The following NR3C1 variants were observed in gnomAD, a reference collection of about 807,000 sequenced individuals.
NR3C1 encodes the protein nuclear receptor subfamily 3 group C member 1, also known as glucocorticoid receptor.
A neutral mutation model predicts 74.0 loss-of-function variants in NR3C1; 14 were observed. The observed-to-expected ratio is 0.19, with a 90% CI of 0.12 to 0.30. The LOEUF (loss-of-function observed/expected upper bound fraction) is 0.30. NR3C1 is among the 10% of genes least tolerant of loss of function. The probability of loss-of-function intolerance (pLI) is 1.00; values close to 1 mark genes in which losing one functional copy is unlikely to be tolerated. For synonymous variants in NR3C1, 308 were observed against 332.5 expected, an observed-to-expected ratio of 0.93 and a Z score of 0.80; for missense variants, 695 against 909.8, an observed-to-expected ratio of 0.76 and a Z score of 3.04.
chr5:143,349,826 T>C (rs945995107), intron 2 of NR3C1, among the ~76,000 whole-genome samples: 3 of 152,038 alleles, frequency 2.0e-5, no homozygotes, highest in African/African-American at 7.2e-5. Context: ...TACACAGTAG[T>C]TGTAATACAA....
intron 2 of NR3C1, chr5:143,332,733 T>G (rs1826248630): frequency 6.3e-7 from 1 of 1,587,824 alleles, no homozygotes; most frequent in Non-Finnish European, 8.6e-7. Flanking sequence ...ACCTCATGCC[T>G]TGGAATTGCC....
chr5:143,358,001 G>A (rs1368164559), intron 2 of NR3C1, among the ~76,000 whole-genome samples: 1 of 152,170 alleles, frequency 6.6e-6, no homozygotes, highest in African/African-American at 2.4e-5. Flanking sequence ...CTAAATACTT[G>A]ATCAAGCCAA....
At chr5:143,345,450 C>G (rs1829096364) in intron 2 of NR3C1, among the ~76,000 whole-genome samples, 2 of 152,272 alleles carry the variant, frequency 1.3e-5, no homozygotes, top group South Asian at 4.1e-4. Context: ...CCTCCAGTGA[C>G]CCGCCTGCCT....
Position 143,279,520 on chromosome 5 carries a change from G to T in NR3C1, c.*2369C>A. On this transcript the variant is annotated 3_prime_UTR_variant, in exon 9 of 9. Coordinates refer to ENST00000394464, the MANE Select transcript of NR3C1 (RefSeq NM_000176.3). ...TTAGGCACCAAAAATTTATCCAGCC[G>T]GGTTACACACCATCTTAAAATATTA... 1.9e-6 allele frequency: 2 copies of T among 1,064,264 alleles called. No homozygotes were observed. Among genetic ancestry groups the T allele is most frequent in the Non-Finnish European group, 2.6e-6 (2 of 783,354 alleles). The allele number at this position is 1,064,264 out of a possible 1,614,324, so 65.9% of individuals were successfully genotyped here.
chr5:143,400,861 C>CA lies in NR3C1; in HGVS notation c.-13-10dup. 2 of 1,594,768 alleles carry CA rather than the reference C, an allele frequency of 1.3e-6. No homozygotes were observed. The highest frequency in any genetic ancestry group is 1.1e-5 in the South Asian group (1 of 90,596). ...CCATCAGTGAATATCAACTACAAAA[C>CA]AAAAAACAAAAACGGGGGGAAAACA... On this transcript the variant is annotated splice_polypyrimidine_tract_variant and intron_variant, in intron 1 of 8. Coordinates refer to ENST00000394464, the MANE Select transcript of NR3C1 (RefSeq NM_000176.3).
At position 143,286,080 on chromosome 5, in the gene NR3C1, ATAACT is replaced by A. The variant is rs1399218555; in HGVS notation, c.2024-3360_2024-3356del. ...GAAGGATATTATGGGAATATTATGA[ATAACT>A]TAACTTTATACCAATAAATTCAACA... is the stretch of plus-strand genomic sequence containing the variant. On this transcript the variant is annotated intron_variant, in intron 7 of 8. Coordinates refer to ENST00000394464, the MANE Select transcript of NR3C1 (RefSeq NM_000176.3). Among the ~76,000 whole-genome samples, 14 of 152,252 alleles carry A rather than the reference ATAACT, an allele frequency of 9.2e-5. No individual in the cohort carries two copies. In the East Asian group the frequency reaches 2.5e-3, roughly 27 times the overall value.
At chr5:143,411,318 T>C (rs1337752953) in intron 1 of NR3C1, among the ~76,000 whole-genome samples, 1 of 152,226 alleles carries the variant, frequency 6.6e-6, no homozygotes, top group East Asian at 1.9e-4. Flanking sequence ...AAAAGTGCCT[T>C]AGTTTGTGAA....
intron 2 of NR3C1, among the ~76,000 whole-genome samples, chr5:143,340,731 T>C (rs1828046999): frequency 6.6e-6 from 1 of 152,112 alleles, no homozygotes; most frequent in South Asian, 2.1e-4. Flanking sequence ...TCCGCCCGGC[T>C]TGGCCTCCCA....
At chr5:143,371,029 T>C (rs1023901787) in intron 2 of NR3C1, among the ~76,000 whole-genome samples, 6 of 152,218 alleles carry the variant, frequency 3.9e-5, no homozygotes, top group Non-Finnish European at 7.3e-5. Context: ...AATAAAAGTA[T>C]AGAAATATAC....
chr5:143,435,335 T>G, exon 1 of NR3C1: 2 of 985,508 alleles, frequency 2.0e-6, no homozygotes, highest in Non-Finnish European at 2.4e-6. Context: ...TCAGAAGATC[T>G]AAGTTTTCTC....
intron 2 of NR3C1, among the ~76,000 whole-genome samples, chr5:143,370,171 G>A (rs1391244988): frequency 6.6e-6 from 1 of 152,012 alleles, no homozygotes; most frequent in Non-Finnish European, 1.5e-5. Flanking sequence ...TGCAAAGATG[G>A]TTTCCTGCTA....
At position 143,314,226 on chromosome 5, in the gene NR3C1, G is replaced by A. The variant is rs960242083; in HGVS notation, c.1185-58C>T. On this transcript the variant is annotated intron_variant, in intron 2 of 8. Coordinates refer to ENST00000394464, the MANE Select transcript of NR3C1 (RefSeq NM_000176.3). ...ACTGTCAAAGGAATATCAAAATACA[G>A]TTCTCTTAGCTTCTCACTTCATAGT... The A allele has an allele frequency of 1.9e-6, 3 of 1,565,886 alleles. No individual in the cohort carries two copies. The African/African-American group carries it at 4.1e-5, about 21-fold the overall frequency.
At chr5:143,383,326 C>T (rs1031015658) in intron 2 of NR3C1, among the ~76,000 whole-genome samples, 1 of 152,174 alleles carries the variant, frequency 6.6e-6, no homozygotes, top group Non-Finnish European at 1.5e-5. Context: ...AAAGGCAAGG[C>T]CATGCTATTT....
At chr5:143,405,138 C>A (rs1391169752), upstream of NR3C1, 2 of 985,466 alleles carry the variant, frequency 2.0e-6, no homozygotes, top group Non-Finnish European at 1.2e-6. Flanking sequence ...ATGCCGGGAC[C>A]GAGCCTCCTA....
chr5:143,403,008 C>T (rs1378124635), intron 1 of NR3C1, among the ~76,000 whole-genome samples: 5 of 149,218 alleles, frequency 3.4e-5, no homozygotes. Flanking sequence ...GGGACGCCTG[C>T]GGAGGGAGAG....
Position 143,292,192 on chromosome 5 carries a change from T to C in NR3C1, c.2023+3268A>G, listed in dbSNP as rs141263784. Among the ~76,000 whole-genome samples the C allele has an allele frequency of 7.2e-5, 11 of 152,280 alleles. No homozygotes were observed. The East Asian group carries it at 1.7e-3, about 24-fold the overall frequency. On this transcript the variant is annotated intron_variant, in intron 7 of 8. Transcript: ENST00000394464. ...TTCCTTGTTTTTATTTACTTTTTCT[T>C]CTGTTGTTTTTGGGTTTCCTAAGAG...
At chr5:143,287,640 C>T (rs1022774086) in intron 7 of NR3C1, among the ~76,000 whole-genome samples, 1 of 151,776 alleles carries the variant, frequency 6.6e-6, no homozygotes, top group African/African-American at 2.4e-5. Flanking sequence ...AAATACTTCT[C>T]AACTCATTTT....
chr5:143,284,883 C>A (rs113856680), intron 7 of NR3C1, among the ~76,000 whole-genome samples: 1 of 151,988 alleles, frequency 6.6e-6, no homozygotes, highest in South Asian at 2.1e-4. Context: ...GGAAAGGGAA[C>A]CCAGGGTCTA....
chr5:143,358,340 A>G (rs1831554010), intron 2 of NR3C1, among the ~76,000 whole-genome samples: 1 of 152,220 alleles, frequency 6.6e-6, no homozygotes, highest in Admixed American at 6.5e-5. Flanking sequence ...CACAGGAGTA[A>G]CGTATTTAAT....
Sources: gnomAD v4.1 joint callset for allele counts (sites outside exome capture counted in the v4.1 genomes callset) on GRCh38, gnomAD v4.1.1 for gene constraint, MANE v1.5 for transcripts, NCBI Gene and HGNC (gene_info 2026-07-23, HGNC 2026-07-21) for gene names.